Variants in DLC1 observed in about 807,000 individuals in gnomAD.
DLC1 encodes the protein DLC1 Rho GTPase activating protein.
In DLC1, 54 loss-of-function variants were observed where a neutral mutation model predicts 140.3. The ratio of observed to expected loss-of-function variants is 0.38; its 90% CI spans 0.31 to 0.48. The LOEUF is 0.48. Among genes scored for constraint, DLC1 ranks in the 20% least tolerant of loss-of-function variants. DLC1 has a pLI of 0.96. For missense variants in DLC1, 2,536 were observed against 1,907.0 expected (o/e 1.33, Z -6.14); for synonymous variants, 986 against 728.1 (o/e 1.35, Z -5.70).
intron 5 of DLC1, among the ~76,000 whole-genome samples, chr8:13,272,637 G>A (rs190208390): frequency 3.3e-5 from 5 of 152,134 alleles, no homozygotes; most frequent in East Asian, 1.9e-4. Context: ...CGAGGCAGTC[G>A]GATCACGAGG....
At chr8:13,123,507 ATT>A (rs372704702) in intron 5 of DLC1, among the ~76,000 whole-genome samples, 26,586 of 139,834 alleles carry the variant, frequency 0.19, 2,731 homozygotes, top group South Asian at 0.26. Context: ...CAATGAGCTA[ATT>A]TTTTTTTTTT....
At chr8:13,405,627 A>C (rs1837493868) in intron 2 of DLC1, among the ~76,000 whole-genome samples, 1 of 152,126 alleles carries the variant, frequency 6.6e-6, no homozygotes, top group African/African-American at 2.4e-5. Flanking sequence ...CCTCCATGTT[A>C]AACATTTTAA....
At chr8:13,123,319 G>A (rs73554488) in intron 5 of DLC1, among the ~76,000 whole-genome samples, 33,963 of 150,392 alleles carry the variant, frequency 0.23, 4,002 homozygotes, top group Admixed American at 0.27. Flanking sequence ...CTGTCCCCCT[G>A]CTCCCTGCAC....
rs78766173 is a variant in DLC1 at position 13,207,940 on chromosome 8, G to A, written c.1349-92283C>T. On this transcript the variant is annotated intron_variant, in intron 5 of 17. Transcript: ENST00000276297. ...ATACCCATTTTAAAACAGTTTGGAG[G>A]CCACTGTAAGTTATGACATTTGAGA... Among the ~76,000 whole-genome samples, 5 of 152,254 alleles carry A rather than the reference G, an allele frequency of 3.3e-5. No homozygotes were observed. In the East Asian group the frequency reaches 7.7e-4, roughly 23 times the overall value.
chr8:13,546,273 G>T (rs1016256409), intron 1 of DLC1, among the ~76,000 whole-genome samples: 1 of 151,984 alleles, frequency 6.6e-6, no homozygotes, highest in African/African-American at 2.4e-5. Context: ...TCAATTTAAT[G>T]TCCAAGCATT....
intron 1 of DLC1, among the ~76,000 whole-genome samples, chr8:13,529,485 A>C (rs1327705600): frequency 6.6e-6 from 1 of 152,178 alleles, no homozygotes; most frequent in Admixed American, 6.5e-5. Flanking sequence ...CAAAAATTAT[A>C]CTTAATTACT....
intron 2 of DLC1, among the ~76,000 whole-genome samples, chr8:13,482,153 C>T (rs185789597): frequency 2.6e-5 from 4 of 152,250 alleles, no homozygotes; most frequent in East Asian, 1.9e-4. Context: ...AAAATGAATA[C>T]AGCAGTCAAA....
chr8:13,366,433 G>A (rs549342678), intron 4 of DLC1, among the ~76,000 whole-genome samples: 5 of 152,286 alleles, frequency 3.3e-5, no homozygotes, highest in South Asian at 4.1e-4. Flanking sequence ...CACATGGTAG[G>A]TGTGTGAATG....
At chr8:13,376,312 A>G (rs1243864078) in intron 4 of DLC1, among the ~76,000 whole-genome samples, 2 of 152,222 alleles carry the variant, frequency 1.3e-5, no homozygotes, top group Admixed American at 6.5e-5. Flanking sequence ...TGCAAGTGAA[A>G]TAAGTCCAAA....
chr8:13,373,712 C>A (rs2117127502), intron 4 of DLC1, among the ~76,000 whole-genome samples: 1 of 152,314 alleles, frequency 6.6e-6, no homozygotes, highest in Admixed American at 6.5e-5. Flanking sequence ...AGAGGGCTCC[C>A]TGTGCCTTGA....
At chr8:13,517,354 A>G (rs1369205299), upstream of DLC1, among the ~76,000 whole-genome samples, 3 of 152,174 alleles carry the variant, frequency 2.0e-5, no homozygotes, top group African/African-American at 4.8e-5. Flanking sequence ...TCTGTTCACA[A>G]ATGCCTTTTA....
At chr8:13,133,316 C>T (rs1822285117) in intron 5 of DLC1, 3 of 1,202,152 alleles carry the variant, frequency 2.5e-6, no homozygotes, top group Non-Finnish European at 3.1e-6. Context: ...GCCAGCCGGG[C>T]CCTCCCGCTG....
chr8:13,585,533 G>T (rs768985200), intron 1 of DLC1, among the ~76,000 whole-genome samples: 3 of 152,216 alleles, frequency 2.0e-5, no homozygotes, highest in Non-Finnish European at 4.4e-5. Flanking sequence ...TGCTAGGGCT[G>T]CTGTAACAAA....
intron 5 of DLC1, among the ~76,000 whole-genome samples, chr8:13,205,128 G>A (rs1827591419): frequency 6.6e-6 from 1 of 152,054 alleles, no homozygotes; most frequent in African/African-American, 2.4e-5. Context: ...TACATTGCAA[G>A]TTTTCATTTT....
intron 1 of DLC1, among the ~76,000 whole-genome samples, chr8:13,556,460 T>C (rs1019081877): frequency 6.6e-6 from 1 of 152,224 alleles, no homozygotes; most frequent in Admixed American, 6.5e-5. Flanking sequence ...TTCTAATGTA[T>C]AGCAAAATTT....
chr8:13,291,936 T>C (rs1831771754), intron 5 of DLC1, among the ~76,000 whole-genome samples: 1 of 151,928 alleles, frequency 6.6e-6, no homozygotes, highest in Non-Finnish European at 1.5e-5. Flanking sequence ...GCTGTTATTT[T>C]GCCTCGCTCA....
chr8:13,231,133 T>G (rs1320130378), intron 5 of DLC1, among the ~76,000 whole-genome samples: 1 of 152,102 alleles, frequency 6.6e-6, no homozygotes, highest in African/African-American at 2.4e-5. Context: ...TTGCATACAT[T>G]ACAAATAAGT....
chr8:13,275,993 A>G (rs948057547), intron 5 of DLC1, among the ~76,000 whole-genome samples: 1 of 151,940 alleles, frequency 6.6e-6, no homozygotes, highest in East Asian at 1.9e-4. Flanking sequence ...AGGTTAAAAA[A>G]CCCCACAACT....
intron 4 of DLC1, among the ~76,000 whole-genome samples, chr8:13,363,947 A>C (rs1461309386): frequency 6.6e-6 from 1 of 152,158 alleles, no homozygotes; most frequent in East Asian, 1.9e-4. Context: ...TCTACGCTCT[A>C]AGAAGCTCTT....
Sources: gnomAD v4.1 joint callset for allele counts (sites outside exome capture counted in the v4.1 genomes callset) on GRCh38, gnomAD v4.1.1 for gene constraint, MANE v1.5 for transcripts, NCBI Gene and HGNC (gene_info 2026-07-23, HGNC 2026-07-21) for gene names.